TRAF7: variants seen among roughly 807,000 people sequenced by gnomAD.
TRAF7 encodes the protein TNF receptor associated factor 7, also known as E3 ubiquitin-protein ligase TRAF7.
A neutral mutation model predicts 89.3 loss-of-function variants in TRAF7; 45 were observed. The observed-to-expected ratio is 0.50, with a 90% confidence interval of 0.40 to 0.65. TRAF7 has a LOEUF of 0.65. TRAF7 is among the 30% of genes least tolerant of loss of function. The pLI, the probability that TRAF7 is intolerant of heterozygous loss-of-function variation, is 0.00. For synonymous variants in TRAF7, 406 were observed against 369.2 expected (o/e 1.10, Z -1.14); for missense variants, 677 against 918.1 (o/e 0.74, Z 3.39).
intron 4 of TRAF7, among the ~76,000 whole-genome samples, chr16:2,169,588 G>A (rs762240978): frequency 2.0e-5 from 3 of 152,150 alleles, no homozygotes; most frequent in Admixed American, 6.5e-5. Flanking sequence ...CTACGCCCAA[G>A]AGGGTGGGAG....
Position 2,164,544 on chromosome 16 carries a change from G to A in TRAF7, c.81+543G>A, listed in dbSNP as rs1159992451. Among the ~76,000 whole-genome samples, 4 of 137,820 alleles carry A rather than the reference G, an allele frequency of 2.9e-5. No individual in the cohort carries two copies. In the East Asian group the frequency reaches 9.0e-4, roughly 31 times the overall value. 90.4% of individuals were successfully genotyped at this position (137,820 alleles called of 152,430 possible). On this transcript the variant is annotated intron_variant, in intron 2 of 20. Transcript: ENST00000326181. ...TCGCATGGTTAAGCGTGTGAGTGCT[G>A]CGTGGCCTGGCCTGGTCGCATGGTT...
At chr16:2,164,737 C>T (rs1172437005) in intron 2 of TRAF7, among the ~76,000 whole-genome samples, 3 of 129,896 alleles carry the variant, frequency 2.3e-5, no homozygotes, top group Non-Finnish European at 3.2e-5. Flanking sequence ...CATGGTTAAG[C>T]GTGTGAGTGC....
chr16:2,175,436 C>T lies in TRAF7; in HGVS notation c.1503+19C>T, dbSNP rs2141294175. ...CATCAAGGTACGGGTGGAGGCTGTG[C>T]CTACGTGTGTGTCACTGAGGCGTCC... is the stretch of plus-strand genomic sequence containing the variant. On this transcript the variant is annotated intron_variant, in intron 16 of 20. Transcript: ENST00000326181. 3.1e-6 allele frequency: 5 copies of T among 1,612,786 alleles called. No homozygotes were observed. The highest frequency in any genetic ancestry group is 4.2e-6 in the Non-Finnish European group (5 of 1,179,370).
In TRAF7 at chr16:2,163,243, G is replaced by A. The variant is rs1015619512; in HGVS notation, c.-38-640G>A. Among the ~76,000 whole-genome samples the A allele has an allele frequency of 2.0e-5, 3 of 152,184 alleles. No individual in the cohort carries two copies. The highest frequency in any genetic ancestry group is 7.2e-5 in the African/African-American group (3 of 41,452). On this transcript the variant is annotated intron_variant, in intron 1 of 20. Coordinates refer to ENST00000326181, the MANE Select transcript of TRAF7 (RefSeq NM_032271.3). The surrounding 1 kb of genome is among the most constrained non-coding windows in gnomAD (Gnocchi z 4.3). ...GCCCCTGTGGCGTGGCTGGGAGTGT[G>A]GGTGACCTGCACGGGTTCCAGGGGC... is the stretch of plus-strand genomic sequence containing the variant.
chr16:2,173,815 C>G lies in TRAF7; in HGVS notation c.1114C>G (p.Leu372Val). ...NDELSHINAR[L>V]NMGILGSYDP... Reference sequence around the variant, plus strand: ...CGAGCTGTCCCACATCAACGCGCGGCTGAACATGGGCATCCTAGGCTGTGA... The same window carrying G: ...CGAGCTGTCCCACATCAACGCGCGGGTGAACATGGGCATCCTAGGCTGTGA... The change falls in exon 12 of 21, where the codon CTG becomes GTG. Residue 372 changes from leucine to valine, a missense_variant. By Grantham distance (32) the Leu-to-Val change is conservative (BLOSUM62 1). Around this residue, in one of 6 missense-constraint regions of TRAF7, gnomAD observed 238 missense variants for 352.6 expected, o/e 0.67. Transcript: ENST00000326181. 1 of 1,610,898 alleles carries G rather than the reference C, an allele frequency of 6.2e-7. No individual in the cohort carries two copies. The highest frequency in any genetic ancestry group is 2.2e-5 in the East Asian group (1 of 44,880).
Position 2,158,808 on chromosome 16 carries a change from A to T in TRAF7, c.-39+2950A>T, listed in dbSNP as rs1354949910. Among the ~76,000 whole-genome samples the T allele has an allele frequency of 6.6e-6, 1 of 151,602 alleles. No individual in the cohort carries two copies. The highest frequency in any genetic ancestry group is 2.4e-5 in the African/African-American group (1 of 41,224). ...CACTGCCACCCTTGGCTCTTGGGCA[A>T]AGCTCACGACCTGTTTCTGAGAGTC... On this transcript the variant is annotated intron_variant, in intron 1 of 20. Coordinates refer to ENST00000326181, the MANE Select transcript of TRAF7 (RefSeq NM_032271.3). The surrounding 1 kb of genome is among the most constrained non-coding windows in gnomAD (Gnocchi z 4.7).
In TRAF7 at chr16:2,170,672, C is replaced by CA. The variant is rs1555466310; in HGVS notation, c.291dup (p.Glu98ArgfsTer55). ...GCCATCTCTGTCCGCTCCCTGCACT[C>CA]AGAGTCCAGCATGTCTCTGCGCTCC... On this transcript the variant is annotated frameshift_variant, in exon 5 of 21. Coordinates refer to ENST00000326181, the MANE Select transcript of TRAF7 (RefSeq NM_032271.3). LOFTEE classifies it high-confidence loss of function. 1 of 1,609,538 alleles carries CA rather than the reference C, an allele frequency of 6.2e-7. No individual in the cohort carries two copies.
At position 2,171,323 on chromosome 16, in the gene TRAF7, C is replaced by A; in HGVS notation, c.408C>A (p.Ser136Arg). The A allele has an allele frequency of 6.4e-7, 1 of 1,555,314 alleles. No homozygotes were observed. Residue 136 changes from serine to arginine, a missense_variant, in exon 6 of 21, where the codon AGC (serine) becomes AGA (arginine). Ser to Arg is a moderately radical substitution (Grantham distance 110). Coordinates refer to ENST00000326181, the MANE Select transcript of TRAF7 (RefSeq NM_032271.3). ...AGCTGTGCTGTCAGCTCTGCTGCAG[C>A]GTCTTCAAAGACCCCGTGATCACCA... ...SVKLCCQLCC[S>R]VFKDPVITTC...
chr16:2,164,223 G>A (rs183779810), intron 2 of TRAF7, among the ~76,000 whole-genome samples: 26 of 150,670 alleles, frequency 1.7e-4, no homozygotes, highest in East Asian at 9.8e-4. Flanking sequence ...GCTGTGTGGC[G>A]CGGCCTGGTT....
In TRAF7 at chr16:2,174,128, T is replaced by A. The variant is rs2093125512; in HGVS notation, c.1263+80T>A. On this transcript the variant is annotated intron_variant, in intron 13 of 20. Transcript: ENST00000326181. Reference sequence around the variant, plus strand: ...ATGCCTGGCACTGCCAGCCTGCCTATGGGTGGGACCTTCTGGGCAGGGCCC... The same window carrying A: ...ATGCCTGGCACTGCCAGCCTGCCTAAGGGTGGGACCTTCTGGGCAGGGCCC... 2.5e-6 allele frequency: 4 copies of A among 1,603,994 alleles called. No homozygotes were observed. In the Admixed American group the frequency reaches 6.7e-5, roughly 27 times the overall value.
chr16:2,173,585 G>T (rs971916134), intron 11 of TRAF7, 31 bp downstream of exon 11: 1 of 1,609,040 alleles, frequency 6.2e-7, no homozygotes, highest in Non-Finnish European at 8.5e-7. Context: ...GGGCTGGGTT[G>T]TGAGACCCGG....
intron 4 of TRAF7, among the ~76,000 whole-genome samples, chr16:2,169,540 C>T (rs2093099786): frequency 6.6e-6 from 1 of 152,122 alleles, no homozygotes; most frequent in Non-Finnish European, 1.5e-5. Flanking sequence ...CCCCCTCCTG[C>T]CCTTCCCCCG....
chr16:2,173,858 C>CGGGGGGGGGG, intron 12 of TRAF7, 22 bp downstream of exon 12: 2 of 1,599,250 alleles, frequency 1.3e-6, no homozygotes, highest in Non-Finnish European at 1.7e-6. Flanking sequence ...CCCGCCGTGG[C>CGGGGGGGGGG]TCCCGCCCAC....
chr16:2,176,614 C>G lies in TRAF7; in HGVS notation c.*40C>G. On this transcript the variant is annotated 3_prime_UTR_variant, in exon 21 of 21. Transcript: ENST00000326181. ...GGCTGTGGTTTCCCCTGAACCAGCC[C>G]TGGACCTTTCTGAGCCAGGCTGGCC... 1 of 1,613,170 alleles carries G rather than the reference C, an allele frequency of 6.2e-7. No individual in the cohort carries two copies. The highest frequency in any genetic ancestry group is 1.1e-5 in the South Asian group (1 of 91,068).
At chr16:2,165,965 G>A in intron 3 of TRAF7, 29 bp downstream of exon 3, 1 of 1,613,806 alleles carries the variant, frequency 6.2e-7, no homozygotes, top group Non-Finnish European at 8.5e-7. Flanking sequence ...GCCAGCCCAG[G>A]CTGGGAATAA....
Position 2,171,249 on chromosome 16 carries a change from C to T in TRAF7, c.349-15C>T, listed in dbSNP as rs1567251039. On this transcript the variant is annotated splice_polypyrimidine_tract_variant and intron_variant, in intron 5 of 20. Transcript: ENST00000326181. ...TGGCCTCCCGCCATCGCCTGCCTTT[C>T]CCGCTTGGTTCCAGGAGCCACTGGT... 1.3e-6 allele frequency: 2 copies of T among 1,538,700 alleles called. No homozygotes were observed. The highest frequency in any genetic ancestry group is 1.8e-6 in the Non-Finnish European group (2 of 1,142,208).
chr16:2,159,234 G>A lies in TRAF7; in HGVS notation c.-39+3376G>A, dbSNP rs1164074119. ...TGCAGTAGGAGCAGAGCTGGGGGAG[G>A]AGTTCAGAGGCCTCTGCAGAGCTGG... On this transcript the variant is annotated intron_variant, in intron 1 of 20. Coordinates refer to ENST00000326181, the MANE Select transcript of TRAF7 (RefSeq NM_032271.3). The surrounding 1 kb of genome is among the most constrained non-coding windows in gnomAD (Gnocchi z 6.5). Among the ~76,000 whole-genome samples the A allele has an allele frequency of 1.3e-5, 2 of 152,118 alleles. No individual in the cohort carries two copies. The highest frequency in any genetic ancestry group is 2.9e-5 in the Non-Finnish European group (2 of 68,022).
chr16:2,175,238 T>G, intron 15 of TRAF7, 63 bp from the exon 16 acceptor site: 1 of 1,612,474 alleles, frequency 6.2e-7, no homozygotes, highest in Non-Finnish European at 8.5e-7. Flanking sequence ...TCTCCCCGTC[T>G]GGGCTCCAGA....
rs765692115 is a variant in TRAF7, at chr16:2,163,987, G to A, written c.67G>A (p.Asp23Asn). 6.2e-7 allele frequency: 1 copy of A among 1,609,654 alleles called. No individual in the cohort carries two copies. The highest frequency in any genetic ancestry group is 1.1e-5 in the South Asian group (1 of 90,828). ...GGGGCCCAGCAATCTTCCCACCCCA[G>A]ACGTCACCACAGGGGTAAGGGTGTG... Reference protein sequence around the residue: ...SGGPSNLPTPDVTTGTRMETT... With the variant: ...SGGPSNLPTPNVTTGTRMETT... The change falls in exon 2 of 21, where the codon GAC (aspartate) becomes AAC (asparagine). Residue 23 changes from aspartate (D) to asparagine (N), a missense_variant. By Grantham distance (23) the Asp-to-Asn change is conservative. Transcript: ENST00000326181. The surrounding 1 kb of genome is among the most constrained non-coding windows in gnomAD (Gnocchi z 4.3).
Sources: gnomAD v4.1 joint callset for allele counts (sites outside exome capture counted in the v4.1 genomes callset) on GRCh38, gnomAD v4.1.1 for gene constraint, gnomAD v4.1.1 regional missense constraint, Gnocchi (gnomAD v3.1) non-coding constraint, MANE v1.5 for transcripts, NCBI Gene and HGNC (gene_info 2026-07-23, HGNC 2026-07-21) for gene names.